LUZP2: variants seen among roughly 807,000 people sequenced by gnomAD.
LUZP2 encodes the protein leucine zipper protein 2.
Under a neutral mutation model 51.6 loss-of-function variants are expected in LUZP2, and 52 were observed. The observed-to-expected ratio is 1.01, with a 90% CI of 0.81 to 1.27. LUZP2 has a LOEUF of 1.27. Among genes scored for constraint, LUZP2 ranks in the 50% most tolerant of loss-of-function variants. LUZP2 has a pLI of 0.00. For synonymous variants in LUZP2, 154 were observed against 137.3 expected, an observed-to-expected ratio of 1.12 and a Z score of -0.85; for missense variants, 436 against 395.4, an observed-to-expected ratio of 1.10 and a Z score of -0.87.
chr11:25,057,116 A>G (rs201572899), intron 10 of LUZP2, among the ~76,000 whole-genome samples: 1 of 152,082 alleles, frequency 6.6e-6, no homozygotes, highest in East Asian at 1.9e-4. Context: ...TGATTATTAT[A>G]TAAATATATA....
intron 5 of LUZP2, among the ~76,000 whole-genome samples, chr11:24,861,992 C>T (rs1202203089): frequency 6.6e-6 from 1 of 152,162 alleles, no homozygotes; most frequent in Non-Finnish European, 1.5e-5. Flanking sequence ...TTGCCTTCAG[C>T]TTATTCTCCC....
At chr11:24,884,866 C>T (rs555064215) in intron 5 of LUZP2, among the ~76,000 whole-genome samples, 4 of 152,000 alleles carry the variant, frequency 2.6e-5, no homozygotes, top group Non-Finnish European at 4.4e-5. Context: ...ATTCCCAGAA[C>T]ATAGAAAGTC....
At chr11:24,649,683 A>T (rs1210303839) in intron 1 of LUZP2, among the ~76,000 whole-genome samples, 1 of 151,878 alleles carries the variant, frequency 6.6e-6, no homozygotes, top group African/African-American at 2.4e-5. Context: ...TTATAACCTG[A>T]ATCGGGAGTT....
At chr11:24,656,818 C>A (rs1259219540) in intron 1 of LUZP2, among the ~76,000 whole-genome samples, 1 of 152,162 alleles carries the variant, frequency 6.6e-6, no homozygotes, top group Non-Finnish European at 1.5e-5. Context: ...TCTGCGTATC[C>A]CCCTCATCTC....
chr11:24,796,285 G>A (rs138347244), intron 5 of LUZP2, among the ~76,000 whole-genome samples: 202 of 152,104 alleles, frequency 1.3e-3, no homozygotes, highest in African/African-American at 4.6e-3. Flanking sequence ...TGAATAACCC[G>A]ATTAGAGTTT....
intron 1 of LUZP2, among the ~76,000 whole-genome samples, chr11:24,692,282 C>T (rs181802850): frequency 6.6e-6 from 1 of 151,854 alleles, no homozygotes; most frequent in Non-Finnish European, 1.5e-5. Context: ...TATGCAGAAG[C>T]AAAAAGTGCT....
chr11:24,742,926 C>T (rs1859238874), intron 4 of LUZP2, among the ~76,000 whole-genome samples: 1 of 151,962 alleles, frequency 6.6e-6, no homozygotes, highest in Admixed American at 6.6e-5. Flanking sequence ...GCCAATTATC[C>T]CAGCACCATT....
At chr11:24,553,908 C>T (rs1034413108) in intron 1 of LUZP2, among the ~76,000 whole-genome samples, 3 of 152,132 alleles carry the variant, frequency 2.0e-5, no homozygotes, top group Non-Finnish European at 4.4e-5. Flanking sequence ...TTTCCTTGAG[C>T]TCTCTTGGGG....
rs141028728 is a variant in LUZP2, at chr11:24,880,828, T to C, written c.397-25163T>C. Among the ~76,000 whole-genome samples, 4 of 152,280 alleles carry C rather than the reference T, an allele frequency of 2.6e-5. No homozygotes were observed. The East Asian group carries it at 7.7e-4, about 29-fold the overall frequency. ...TGTTTTACCCAATGCTAGACACCTATTAGCTGCTTCAAATTTACTTATTTA... is the reference window on the plus strand; with the variant it reads ...TGTTTTACCCAATGCTAGACACCTACTAGCTGCTTCAAATTTACTTATTTA... On this transcript the variant is annotated intron_variant, in intron 5 of 11. Transcript: ENST00000336930.
intron 5 of LUZP2, among the ~76,000 whole-genome samples, chr11:24,784,559 A>C (rs1023590014): frequency 6.6e-6 from 1 of 152,024 alleles, no homozygotes; most frequent in African/African-American, 2.4e-5. Context: ...TTATCTAGCA[A>C]TAATTACTCA....
intron 1 of LUZP2, among the ~76,000 whole-genome samples, chr11:24,701,884 C>A (rs1857431389): frequency 6.6e-6 from 1 of 152,100 alleles, no homozygotes; most frequent in Admixed American, 6.5e-5. Context: ...ACAAAGTATA[C>A]TAAATGGCAA....
intron 5 of LUZP2, among the ~76,000 whole-genome samples, chr11:24,898,409 G>A (rs908503219): frequency 6.6e-6 from 1 of 152,192 alleles, no homozygotes; most frequent in Admixed American, 6.5e-5. Context: ...CAGATCACAA[G>A]GTCAGGAGAT....
chr11:24,996,108 A>G (rs1479725759), intron 9 of LUZP2, among the ~76,000 whole-genome samples: 1 of 151,282 alleles, frequency 6.6e-6, no homozygotes, highest in Non-Finnish European at 1.5e-5. Flanking sequence ...AATATATTTA[A>G]CAACAAATTG....
rs1312174266 is a variant in LUZP2 at position 24,963,808 on chromosome 11, A to G, written c.523-12783A>G. On this transcript the variant is annotated intron_variant, in intron 7 of 11. Transcript: ENST00000336930. ...CCACTGTCTGGCACTCCCTAGTGAG[A>G]TGAACCCGGTACCTCAGATGGAAAT... Among the ~76,000 whole-genome samples the G allele has an allele frequency of 2.6e-5, 4 of 152,100 alleles. No individual in the cohort carries two copies. The East Asian group carries it at 5.8e-4, about 22-fold the overall frequency.
At chr11:24,821,467 C>T (rs750928559) in intron 5 of LUZP2, among the ~76,000 whole-genome samples, 9 of 151,932 alleles carry the variant, frequency 5.9e-5, no homozygotes, top group Admixed American at 3.3e-4. Context: ...ACTATTTTAC[C>T]GACTTCATTG....
Position 25,040,343 on chromosome 11 carries a change from ATTTT to A in LUZP2, c.766-9678_766-9675del, listed in dbSNP as rs57668112. On this transcript the variant is annotated intron_variant, in intron 9 of 11. Transcript: ENST00000336930. ...AGAGAGCCACTTTTCTTTCTTTCCG[ATTTT>A]TTTTTTTTTTTTTTTTGCCAATAGC... Among the ~76,000 whole-genome samples, 343 of 98,814 alleles carry A rather than the reference ATTTT, an allele frequency of 3.5e-3. 4 individuals carry two copies. Among genetic ancestry groups the A allele is most frequent in the East Asian group, 0.027 (114 of 4,194 alleles). The allele number at this position is 98,814 out of a possible 152,430, so 64.8% of individuals were successfully genotyped here.
chr11:24,562,172 A>C (rs1025095916), intron 1 of LUZP2, among the ~76,000 whole-genome samples: 15 of 152,116 alleles, frequency 9.9e-5, no homozygotes, highest in Admixed American at 2.6e-4. Flanking sequence ...GGTACCAGAA[A>C]AAATTAAAAA....
chr11:25,061,392 T>C (rs1858832790), intron 10 of LUZP2, among the ~76,000 whole-genome samples: 1 of 152,178 alleles, frequency 6.6e-6, no homozygotes, highest in African/African-American at 2.4e-5. Context: ...CTAGAGGTGT[T>C]GGTGAATATG....
At chr11:24,544,459 G>A (rs1043841836) in intron 1 of LUZP2, among the ~76,000 whole-genome samples, 8 of 151,950 alleles carry the variant, frequency 5.3e-5, no homozygotes. Flanking sequence ...CCTTCCAATA[G>A]GTCCCAGCAT....
Sources: gnomAD v4.1 joint callset for allele counts (sites outside exome capture counted in the v4.1 genomes callset) on GRCh38, gnomAD v4.1.1 for gene constraint, MANE v1.5 for transcripts, NCBI Gene and HGNC (gene_info 2026-07-23, HGNC 2026-07-21) for gene names.